SSX7: variants seen among roughly 807,000 people sequenced by gnomAD.
SSX7 encodes the protein SSX family member 7.
Under a neutral mutation model 14.7 loss-of-function variants are expected in SSX7, and 15 were observed. The observed-to-expected ratio is 1.02, with a 90% CI of 0.68 to 1.58. The LOEUF (loss-of-function observed/expected upper bound fraction) is 1.58, where lower values mean the gene tolerates loss of function less well. Ranked by LOEUF, SSX7 falls within the 40% of genes most tolerant of loss-of-function variation. The probability of loss-of-function intolerance (pLI) is 0.00; values close to 1 mark genes in which losing one functional copy is unlikely to be tolerated. For synonymous variants in SSX7, 46 were observed against 50.6 expected (o/e 0.91, Z 0.38); for missense variants, 178 against 146.8 (o/e 1.21, Z -1.10).
chrX:52,653,063 T>C, intron 2 of SSX7, 79 bp from the exon 3 acceptor site: 1 of 1,178,967 alleles, frequency 8.5e-7, no homozygotes, highest in Non-Finnish European at 1.1e-6. Context: ...CCTTCCTGTG[T>C]GCTGGATCTG....
intron 4 of SSX7, among the ~76,000 whole-genome samples, chrX:52,650,976 C>T (rs1925407288): frequency 1.8e-5 from 2 of 112,223 alleles, no homozygotes; most frequent in South Asian, 3.8e-4. Flanking sequence ...CTATTGGAGA[C>T]AGTTTGGACG....
Position 52,652,947 on chromosome X carries a change from T to C in SSX7, c.107A>G (p.Glu36Gly). Residue 36 changes from glutamate to glycine, a missense_variant, in exon 3 of 8, where the codon GAG becomes GGG. By Grantham distance (98) the Glu-to-Gly change is moderately conservative. Coordinates refer to ENST00000298181, the MANE Select transcript of SSX7 (RefSeq NM_173358.2). Reference sequence around the variant, plus strand: ...CTCCAAGGATTTCATCTTTTCCCACTCTTTCTTAGAGAAGTATTTGGCAAT... The same window carrying C: ...CTCCAAGGATTTCATCTTTTCCCACCCTTTCTTAGAGAAGTATTTGGCAAT... ...DDIAKYFSKK[E>G]WEKMKSLEKI... is the part of the protein sequence containing the mutation. 8.3e-7 allele frequency: 1 copy of C among 1,202,849 alleles called. No homozygotes were observed. The highest frequency in any genetic ancestry group is 1.7e-5 in the African/African-American group (1 of 57,571).
rs144488430 is a variant in SSX7 at position 52,644,857 on chromosome X, G to A, written c.*5-187C>T. On this transcript the variant is annotated intron_variant, in intron 7 of 7. Transcript: ENST00000298181. ...CATGCCACAGTGACTTCTTCGCCTG[G>A]GTTATCCATTCCTAGGCTAGAGGAA... Among the ~76,000 whole-genome samples the A allele has an allele frequency of 4.1e-3, 454 of 111,388 alleles. 2 individuals are homozygous for A. The highest frequency in any genetic ancestry group is 0.014 in the African/African-American group (438 of 30,649).
intron 6 of SSX7, among the ~76,000 whole-genome samples, chrX:52,648,059 C>T (rs1556766544): frequency 1.8e-5 from 2 of 111,726 alleles, no homozygotes; most frequent in African/African-American, 6.5e-5. Flanking sequence ...AAGACTAGCC[C>T]CAAGTCACGT....
intron 1 of SSX7, 84 bp downstream of exon 1, chrX:52,654,678 G>A (rs1395322848): frequency 9.0e-6 from 1 of 110,679 alleles, no homozygotes; most frequent in Non-Finnish European, 1.9e-5. Context: ...AGGAGGGGAG[G>A]GGTAGTAAGA....
chrX:52,645,380 T>C, intron 7 of SSX7, 59 bp downstream of exon 7: 1 of 1,208,682 alleles, frequency 8.3e-7, no homozygotes, highest in African/African-American at 1.7e-5. Context: ...GGGATACCAG[T>C]ATCATAACAG....
At chrX:52,654,474 C>T (rs782302430) in intron 1 of SSX7, among the ~76,000 whole-genome samples, 70 of 100,325 alleles carry the variant, frequency 7.0e-4, no homozygotes, top group Non-Finnish European at 1.2e-3. Context: ...TTCAAGTGAT[C>T]CACCAGCTGT....
chrX:52,650,674 C>A (rs150604898), intron 4 of SSX7, among the ~76,000 whole-genome samples: 2,254 of 111,742 alleles, frequency 0.02, 30 homozygotes, highest in Middle Eastern at 0.088. Context: ...TATTTTTTTC[C>A]AAATAATTAA....
intron 5 of SSX7, among the ~76,000 whole-genome samples, chrX:52,648,797 T>G (rs1925333582): frequency 9.0e-6 from 1 of 111,406 alleles, no homozygotes; most frequent in Non-Finnish European, 1.9e-5. Flanking sequence ...TGTAAAAACA[T>G]AGAGAGGGGA....
chrX:52,652,914 C>T lies in SSX7; in HGVS notation c.140G>A (p.Ser47Asn), dbSNP rs781917481. The T allele has an allele frequency of 5.8e-6, 7 of 1,204,141 alleles. No individual in the cohort carries two copies. Among genetic ancestry groups the T allele is most frequent in the Admixed American group, 4.4e-5 (2 of 45,749 alleles). The change falls in exon 3 of 8, where the codon AGC (serine) becomes AAC (asparagine). Residue 47 changes from serine to asparagine, a missense_variant. Transcript: ENST00000298181. ...ATACTTTCTCTTCATATACACATAG[C>T]TGATTTTCTCCAAGGATTTCATCTT... ...WEKMKSLEKI[S>N]YVYMKRKYEA...
At chrX:52,652,589 G>A (rs1336285374) in intron 3 of SSX7, among the ~76,000 whole-genome samples, 1 of 110,230 alleles carries the variant, frequency 9.1e-6, no homozygotes, top group Non-Finnish European at 1.9e-5. Flanking sequence ...GGTAGGGACG[G>A]TGTGGGGGTG....
intron 1 of SSX7, among the ~76,000 whole-genome samples, chrX:52,654,291 G>T (rs1339685991): frequency 9.2e-6 from 1 of 109,205 alleles, no homozygotes; most frequent in African/African-American, 3.3e-5. Flanking sequence ...AACAGAAGCG[G>T]AGTGGTGTGC....
At chrX:52,654,708 G>T (rs5986187) in intron 1 of SSX7, 54 bp downstream of exon 1, 1 of 110,891 alleles carries the variant, frequency 9.0e-6, no homozygotes, top group African/African-American at 3.3e-5. Context: ...GAAAATCAGC[G>T]CATGCTTACT....
intron 4 of SSX7, among the ~76,000 whole-genome samples, chrX:52,651,737 TG>T (rs1312386837): frequency 9.0e-6 from 1 of 111,031 alleles, no homozygotes; most frequent in Non-Finnish European, 1.9e-5. Context: ...GAGCTGGGTG[TG>T]GGGGCGGGCA....
At chrX:52,645,295 C>A (rs1202076281) in intron 7 of SSX7, 144 bp downstream of exon 7, 3 of 913,645 alleles carry the variant, frequency 3.3e-6, no homozygotes, top group Non-Finnish European at 3.0e-6. Flanking sequence ...CGTGGGAAAT[C>A]TCTCATCATT....
rs1556767237 is a variant in SSX7, at chrX:52,652,978, C to T, written c.76G>A (p.Asp26Asn). Reference protein sequence around the residue: ...QIPEKIQKSFDDIAKYFSKKE... With the variant: ...QIPEKIQKSFNDIAKYFSKKE... ...TTAGAGAAGTATTTGGCAATATCATCGAAGGACTAGGAAAAGATAAAAAAG... is the reference window on the plus strand; with the variant it reads ...TTAGAGAAGTATTTGGCAATATCATTGAAGGACTAGGAAAAGATAAAAAAG... Residue 26 changes from aspartate (D) to asparagine (N), a missense_variant, in exon 3 of 8, where the codon GAT (aspartate) becomes AAT (asparagine). By Grantham distance (23) the Asp-to-Asn change is conservative. Coordinates refer to ENST00000298181, the MANE Select transcript of SSX7 (RefSeq NM_173358.2). 1.7e-6 allele frequency: 2 copies of T among 1,197,907 alleles called. No homozygotes were observed. Among genetic ancestry groups the T allele is most frequent in the East Asian group, 3.0e-5 (1 of 33,113 alleles).
intron 7 of SSX7, among the ~76,000 whole-genome samples, chrX:52,644,978 A>G (rs142972347): frequency 9.1e-4 from 101 of 111,010 alleles, no homozygotes; most frequent in African/African-American, 3.2e-3. Flanking sequence ...GAGTAAAAAG[A>G]GCTTACGAAG....
intron 4 of SSX7, 129 bp downstream of exon 4, chrX:52,652,123 A>T (rs185394085): frequency 6.0e-4 from 251 of 415,360 alleles, no homozygotes; most frequent in African/African-American, 4.5e-3. Context: ...TCTGCATGCA[A>T]TTTTTTTTTT....
intron 1 of SSX7, among the ~76,000 whole-genome samples, chrX:52,653,775 G>A (rs1925514874): frequency 1.8e-5 from 2 of 110,827 alleles, no homozygotes; most frequent in Admixed American, 9.7e-5. Context: ...TAGTTTCCCT[G>A]GGGCTAGCCT....
Sources: allele counts gnomAD v4.1 joint callset (sites outside exome capture counted in the v4.1 genomes callset), GRCh38; gene constraint gnomAD v4.1.1; transcripts MANE v1.5; gene names NCBI Gene and HGNC (gene_info 2026-07-23, HGNC 2026-07-21).